Variants in SLC6A11 observed in about 807,000 individuals in gnomAD.
SLC6A11 encodes the protein sodium- and chloride-dependent GABA transporter 3.
SLC6A11 carries 25 observed loss-of-function variants against 74.8 expected under a neutral mutation model. The observed-to-expected ratio is 0.33, with a 90% confidence interval of 0.24 to 0.47. SLC6A11 has a LOEUF of 0.47. Ranked by LOEUF, SLC6A11 falls within the 20% of genes least tolerant of loss-of-function variation. SLC6A11 has a pLI of 1.00. For missense variants in SLC6A11, 574 were observed against 837.0 expected, an observed-to-expected ratio of 0.69 and a Z score of 3.88; for synonymous variants, 330 against 330.2, an observed-to-expected ratio of 1.00 and a Z score of 0.01.
chr3:10,841,380 G>T (rs934573768), intron 4 of SLC6A11, among the ~76,000 whole-genome samples: 1 of 152,176 alleles, frequency 6.6e-6, no homozygotes, highest in Non-Finnish European at 1.5e-5. Flanking sequence ...CCTCTCAAAG[G>T]CTGCCCTTGT....
chr3:10,918,701 C>G lies in SLC6A11; in HGVS notation c.1120+248C>G, dbSNP rs1695492938. Among the ~76,000 whole-genome samples the G allele has an allele frequency of 6.6e-6, 1 of 152,122 alleles. No homozygotes were observed. The highest frequency in any genetic ancestry group is 1.5e-5 in the Non-Finnish European group (1 of 68,034). On this transcript the variant is annotated intron_variant, in intron 8 of 13. Coordinates refer to ENST00000254488, the MANE Select transcript of SLC6A11 (RefSeq NM_014229.3). This position sits in a 1 kb window ranked among gnomAD's most constrained non-coding sequence, Gnocchi z 4.5. ...ATGCTGTTGCCCACTTCATTCATTTCTCCCAAGCTTCACCGTCTCCCCACT... is the reference window on the plus strand; with the variant it reads ...ATGCTGTTGCCCACTTCATTCATTTGTCCCAAGCTTCACCGTCTCCCCACT...
intron 10 of SLC6A11, among the ~76,000 whole-genome samples, chr3:10,931,589 G>C (rs891566554): frequency 6.6e-6 from 1 of 152,178 alleles, no homozygotes; most frequent in African/African-American, 2.4e-5. Context: ...AAAACACGAA[G>C]TTGCCAACAA....
intron 4 of SLC6A11, among the ~76,000 whole-genome samples, chr3:10,828,195 C>T (rs1227418901): frequency 1.3e-5 from 2 of 152,188 alleles, no homozygotes; most frequent in African/African-American, 4.8e-5. Flanking sequence ...GCCCACAAAT[C>T]CCATTAGTCC....
intron 4 of SLC6A11, among the ~76,000 whole-genome samples, chr3:10,829,687 T>C (rs907834665): frequency 6.6e-6 from 1 of 152,166 alleles, no homozygotes. Context: ...TGATGTATGG[T>C]AAACGTACCC....
chr3:10,932,966 A>G (rs1316472864), intron 10 of SLC6A11, among the ~76,000 whole-genome samples, 185 bp from the exon 11 acceptor site: 2 of 152,124 alleles, frequency 1.3e-5, no homozygotes, highest in African/African-American at 4.8e-5. Context: ...CCCAAAGGAC[A>G]GGGAATTAGG....
In SLC6A11 at chr3:10,893,124, CCTT is replaced by C. The variant is rs550269768; in HGVS notation, c.891+18035_891+18037del. 1.3e-4 allele frequency among the ~76,000 whole-genome samples: 20 copies of C among 152,284 alleles called. No homozygotes were observed. The South Asian group carries it at 3.9e-3, about 30-fold the overall frequency. On this transcript the variant is annotated intron_variant, in intron 6 of 13. Transcript: ENST00000254488. ...GGATGGTGAGTACCATGATAATTGT[CCTT>C]CTTCTCCAGCCCTGTCACCTGTTTG... is the stretch of plus-strand genomic sequence containing the variant.
intron 7 of SLC6A11, among the ~76,000 whole-genome samples, chr3:10,913,053 C>CTTTTT (rs374019258): frequency 7.3e-6 from 1 of 136,172 alleles, no homozygotes; most frequent in Non-Finnish European, 1.6e-5. Context: ...GGAAGGTTGC[C>CTTTTT]TTTTTTTTTT....
At chr3:10,899,623 C>T (rs539939941) in intron 6 of SLC6A11, among the ~76,000 whole-genome samples, 136 of 152,284 alleles carry the variant, frequency 8.9e-4, no homozygotes, top group African/African-American at 3.2e-3. Flanking sequence ...CCTTTCCTGC[C>T]CTCTAGGCCT....
At chr3:10,832,019 C>T (rs1002470527) in intron 4 of SLC6A11, among the ~76,000 whole-genome samples, 1 of 152,154 alleles carries the variant, frequency 6.6e-6, no homozygotes, top group African/African-American at 2.4e-5. Context: ...CCTTGTTAAT[C>T]TTTATGTATT....
At chr3:10,873,468 C>CCTAT (rs1694857869) in intron 5 of SLC6A11, among the ~76,000 whole-genome samples, 1 of 94,822 alleles carries the variant, frequency 1.1e-5, no homozygotes, top group Admixed American at 1.2e-4. Context: ...TGCTATCCTA[C>CCTAT]CCTACCCTAC....
chr3:10,845,320 T>G (rs1694489688), intron 5 of SLC6A11, among the ~76,000 whole-genome samples: 2 of 152,280 alleles, frequency 1.3e-5, no homozygotes, highest in South Asian at 4.1e-4. Context: ...CCATTCCATA[T>G]CACCCCCAAT....
intron 6 of SLC6A11, among the ~76,000 whole-genome samples, chr3:10,906,587 G>A (rs938280606): frequency 6.6e-6 from 1 of 152,204 alleles, no homozygotes; most frequent in African/African-American, 2.4e-5. Context: ...TGAGGAGGGG[G>A]TCTATGCAGT....
At chr3:10,889,458 A>G (rs1000590905) in intron 6 of SLC6A11, among the ~76,000 whole-genome samples, 1 of 152,126 alleles carries the variant, frequency 6.6e-6, no homozygotes, top group Admixed American at 6.5e-5. Context: ...CTGCCTGTTC[A>G]GCCCTCCCTT....
chr3:10,899,122 A>G (rs958470), intron 6 of SLC6A11, among the ~76,000 whole-genome samples: 22,941 of 152,186 alleles, frequency 0.15, 2,967 homozygotes, highest in African/African-American at 0.31. Flanking sequence ...CCCTCCCACA[A>G]CATGTGGGAA....
intron 13 of SLC6A11, 45 bp downstream of exon 13, chr3:10,935,244 G>C (rs369354937): frequency 6.3e-7 from 1 of 1,578,914 alleles, no homozygotes. Flanking sequence ...CAGGGTTCGC[G>C]CCTTGGGTCC....
chr3:10,849,543 G>T (rs143724189), intron 5 of SLC6A11, among the ~76,000 whole-genome samples: 14 of 152,032 alleles, frequency 9.2e-5, no homozygotes, highest in African/African-American at 3.4e-4. Context: ...TGTTTCCCAC[G>T]CACATATTCA....
intron 6 of SLC6A11, among the ~76,000 whole-genome samples, chr3:10,893,052 G>A (rs936737129): frequency 6.6e-6 from 1 of 152,162 alleles, no homozygotes; most frequent in Non-Finnish European, 1.5e-5. Flanking sequence ...CTCATTAAGT[G>A]CATATTGTAG....
At chr3:10,838,455 C>G (rs983879058) in intron 4 of SLC6A11, among the ~76,000 whole-genome samples, 2 of 152,206 alleles carry the variant, frequency 1.3e-5, no homozygotes, top group Non-Finnish European at 1.5e-5. Context: ...GGTTTCAACT[C>G]TCAATCTGGG....
rs780622580 is a variant in SLC6A11, at chr3:10,918,050, T to C, written c.996-279T>C. 9.2e-5 allele frequency among the ~76,000 whole-genome samples: 14 copies of C among 152,086 alleles called. No homozygotes were observed. Among genetic ancestry groups the C allele is most frequent in the Non-Finnish European group, 1.5e-4 (10 of 68,002 alleles). ...TTTCAGAGTATTTTCTCATTAGTTC[T>C]GCATTTTCCCATATGCCAGCCTCCC... On this transcript the variant is annotated intron_variant, in intron 7 of 13. Coordinates refer to ENST00000254488, the MANE Select transcript of SLC6A11 (RefSeq NM_014229.3). This position sits in a 1 kb window ranked among gnomAD's most constrained non-coding sequence, Gnocchi z 4.5.
Sources: allele counts gnomAD v4.1 joint callset (sites outside exome capture counted in the v4.1 genomes callset), GRCh38; gene constraint gnomAD v4.1.1; non-coding constraint Gnocchi (gnomAD v3.1); transcripts MANE v1.5; gene names NCBI Gene and HGNC (gene_info 2026-07-23, HGNC 2026-07-21).